Variants in MAGI3 observed in about 807,000 individuals in gnomAD.
MAGI3 encodes membrane associated guanylate kinase, WW and PDZ domain containing 3, also known as membrane-associated guanylate kinase, WW and PDZ domain-containing protein 3.
MAGI3 carries 43 observed loss-of-function variants against 121.8 expected under a neutral mutation model. That is an observed-to-expected ratio of 0.35 (90% CI 0.28 to 0.46). The LOEUF (loss-of-function observed/expected upper bound fraction) is 0.46. Among genes scored for constraint, MAGI3 ranks in the 20% least tolerant of loss-of-function variants. The pLI is 1.00. For synonymous variants in MAGI3, 553 were observed against 639.3 expected, an observed-to-expected ratio of 0.86 and a Z score of 2.04; for missense variants, 1,547 against 1,797.3, an observed-to-expected ratio of 0.86 and a Z score of 2.52.
At chr1:113,585,270 A>G (rs1021728556) in intron 3 of MAGI3, 117 bp from the exon 4 acceptor site, 4 of 892,354 alleles carry the variant, frequency 4.5e-6, no homozygotes, top group South Asian at 1.7e-5. Context: ...GCCCACCCCT[A>G]TGGTAGATAT....
At chr1:113,679,709 A>ATT (rs34782120) in intron 19 of MAGI3, among the ~76,000 whole-genome samples, 31,398 of 144,430 alleles carry the variant, frequency 0.22, 4,242 homozygotes, top group South Asian at 0.38. Flanking sequence ...CTGAAAAATG[A>ATT]TTTTTTTTTT....
chr1:113,454,963 A>G (rs892805092), intron 1 of MAGI3, among the ~76,000 whole-genome samples: 3 of 152,232 alleles, frequency 2.0e-5, no homozygotes, highest in African/African-American at 4.8e-5. Flanking sequence ...TAGGTACAGA[A>G]TAAACAAGAA....
At chr1:113,642,837 T>C (rs1337750406) in intron 10 of MAGI3, among the ~76,000 whole-genome samples, 1 of 152,238 alleles carries the variant, frequency 6.6e-6, no homozygotes, top group African/African-American at 2.4e-5. Flanking sequence ...CTTAATTTCA[T>C]TTCTCTGTTG....
At chr1:113,534,441 A>G (rs555467777) in intron 1 of MAGI3, among the ~76,000 whole-genome samples, 1 of 151,990 alleles carries the variant, frequency 6.6e-6, no homozygotes, top group African/African-American at 2.4e-5. Context: ...CTTCCATGCC[A>G]TTCAGCATGC....
At chr1:113,639,239 A>G (rs1652280061) in intron 9 of MAGI3, among the ~76,000 whole-genome samples, 1 of 152,180 alleles carries the variant, frequency 6.6e-6, no homozygotes, top group South Asian at 2.1e-4. Context: ...CGCTGCACCC[A>G]CTATCCTGCA....
At chr1:113,505,934 T>A (rs1483116456) in intron 1 of MAGI3, among the ~76,000 whole-genome samples, 1 of 152,146 alleles carries the variant, frequency 6.6e-6, no homozygotes, top group Non-Finnish European at 1.5e-5. Flanking sequence ...CAGGATTTTA[T>A]TCTGGTTGTG....
chr1:113,414,066 T>A (rs1652159986), intron 1 of MAGI3, among the ~76,000 whole-genome samples: 2 of 152,170 alleles, frequency 1.3e-5, no homozygotes, highest in South Asian at 4.1e-4. Context: ...ATACCTAGTT[T>A]ATTGAGAGTA....
chr1:113,605,314 A>C (rs1402957271), intron 6 of MAGI3, among the ~76,000 whole-genome samples: 1 of 152,172 alleles, frequency 6.6e-6, no homozygotes, highest in East Asian at 1.9e-4. Context: ...CTCATGAGTA[A>C]AAAGAAAAAA....
chr1:113,514,609 ACT>A (rs1657793143), intron 1 of MAGI3, among the ~76,000 whole-genome samples: 1 of 145,204 alleles, frequency 6.9e-6, no homozygotes, highest in African/African-American at 2.6e-5. Context: ...GGAACATCAC[ACT>A]CTGAGGACTG....
intron 1 of MAGI3, among the ~76,000 whole-genome samples, chr1:113,402,218 G>A (rs1651445372): frequency 6.6e-6 from 1 of 152,146 alleles, no homozygotes; most frequent in African/African-American, 2.4e-5. Context: ...TTGGAACTAA[G>A]TGTAATGTGC....
At chr1:113,659,785 G>A (rs1653685784) in intron 16 of MAGI3, among the ~76,000 whole-genome samples, 1 of 152,162 alleles carries the variant, frequency 6.6e-6, no homozygotes, top group African/African-American at 2.4e-5. Flanking sequence ...CAGCCGTGGA[G>A]TCTCCCAAAC....
chr1:113,484,776 G>T (rs1403386986), intron 1 of MAGI3, among the ~76,000 whole-genome samples: 1 of 136,176 alleles, frequency 7.3e-6, no homozygotes, highest in Non-Finnish European at 1.6e-5. Context: ...CCAGGCTGGA[G>T]TGCAGCAGCA....
At chr1:113,436,682 A>G (rs1033534077) in intron 1 of MAGI3, among the ~76,000 whole-genome samples, 1 of 151,888 alleles carries the variant, frequency 6.6e-6, no homozygotes, top group African/African-American at 2.4e-5. Context: ...ATGAATAAAC[A>G]TCATTTTTTT....
intron 1 of MAGI3, among the ~76,000 whole-genome samples, chr1:113,447,748 G>GGGAATTACA (rs1654252468): frequency 6.6e-6 from 1 of 152,008 alleles, no homozygotes; most frequent in African/African-American, 2.4e-5. Flanking sequence ...CAGCTACTTG[G>GGGAATTACA]GAGGCAGAGA....
At chr1:113,512,452 T>A (rs2101613326) in intron 1 of MAGI3, among the ~76,000 whole-genome samples, 1 of 152,376 alleles carries the variant, frequency 6.6e-6, no homozygotes, top group South Asian at 2.1e-4. Context: ...ATCTTTGTGT[T>A]CTTTTTATTC....
At chr1:113,654,409 C>T (rs972663434) in intron 15 of MAGI3, among the ~76,000 whole-genome samples, 2 of 152,072 alleles carry the variant, frequency 1.3e-5, no homozygotes, top group African/African-American at 2.4e-5. Flanking sequence ...TGAGAAGAAG[C>T]AAAGCAGATT....
chr1:113,443,896 T>G (rs1277268392), intron 1 of MAGI3, among the ~76,000 whole-genome samples: 1 of 152,202 alleles, frequency 6.6e-6, no homozygotes, highest in Non-Finnish European at 1.5e-5. Context: ...ATTTCAGTGG[T>G]TTTTAGTGTA....
intron 1 of MAGI3, among the ~76,000 whole-genome samples, chr1:113,452,455 TACAC>T (rs4026203): frequency 0.39 from 57,627 of 147,052 alleles, 12,023 homozygotes; most frequent in East Asian, 0.78. Context: ...TGCATAGACA[TACAC>T]ACACACACAC....
chr1:113,623,084 T>G (rs1650940882), intron 9 of MAGI3, 90 bp downstream of exon 9: 2 of 823,692 alleles, frequency 2.4e-6, no homozygotes, highest in Non-Finnish European at 3.4e-6. Flanking sequence ...GAGAGAGAAA[T>G]AATTAAATTA....
Sources: allele counts gnomAD v4.1 joint callset (sites outside exome capture counted in the v4.1 genomes callset), GRCh38; gene constraint gnomAD v4.1.1; transcripts MANE v1.5; gene names NCBI Gene and HGNC (gene_info 2026-07-23, HGNC 2026-07-21).